The following OGFOD3 variants were observed in gnomAD, a reference collection of about 807,000 sequenced individuals.
The protein encoded by OGFOD3 is 2-oxoglutarate and iron-dependent oxygenase domain-containing protein 3.
Under a neutral mutation model 39.8 loss-of-function variants are expected in OGFOD3, and 35 were observed. That is an observed-to-expected ratio of 0.88 (90% CI 0.67 to 1.17). OGFOD3 has a LOEUF of 1.17. Among genes scored for constraint, OGFOD3 ranks in the 50% most tolerant of loss-of-function variants. The pLI, the probability that OGFOD3 is intolerant of heterozygous loss-of-function variation, is 0.00. For synonymous variants in OGFOD3, 200 were observed against 192.0 expected (o/e 1.04, Z -0.34); for missense variants, 438 against 454.5 (o/e 0.96, Z 0.33).
In OGFOD3 at chr17:82,406,633, C is replaced by T; in HGVS notation, c.424-151G>A. 1.4e-6 allele frequency: 1 copy of T among 697,538 alleles called. No homozygotes were observed. Among genetic ancestry groups the T allele is most frequent in the Non-Finnish European group, 2.5e-6 (1 of 394,200 alleles). 43.2% of individuals were successfully genotyped at this position (697,538 alleles called of 1,614,324 possible). On this transcript the variant is annotated intron_variant, in intron 4 of 8. Transcript: ENST00000313056. The surrounding 1 kb of genome is among the most constrained non-coding windows in gnomAD (Gnocchi z 5.2). ...TGTTTTTGTTTTTTGTAAAAAGGAT[C>T]TTATTCTGTTGCCCAGGCTAGGGCG... is the stretch of plus-strand genomic sequence containing the variant.
At chr17:82,400,125 C>A (rs1441721566) in intron 7 of OGFOD3, among the ~76,000 whole-genome samples, 2 of 152,208 alleles carry the variant, frequency 1.3e-5, no homozygotes, top group Non-Finnish European at 2.9e-5. Flanking sequence ...CCCAGTCCGA[C>A]CCGCCAATAT....
In OGFOD3 at chr17:82,394,327, T is replaced by A. The variant is rs200331000; in HGVS notation, c.824-1793A>T. On this transcript the variant is annotated intron_variant, in intron 8 of 8. Transcript: ENST00000313056. ...TCTTTAGTAAATGACTATTAGATTA[T>A]CACCTGCTTCCTTAAAGCAGGACTC... 7.3e-5 allele frequency: 112 copies of A among 1,532,562 alleles called. No homozygotes were observed. The East Asian group carries it at 1.4e-3, about 20-fold the overall frequency. The allele number at this position is 1,532,562 out of a possible 1,614,324, so 94.9% of individuals were successfully genotyped here. A position where few individuals can be genotyped will look rare whatever the true frequency, so the allele number is the denominator to read the frequency against.
chr17:82,405,380 T>C lies in OGFOD3; in HGVS notation c.489A>G (p.Arg163=). ...SVGKHFVNLY[R]YFGDKIQNIF... ...TGTTCTGTATTTTATCCCCGAAGTA[T>C]CTGTGAAAAAAGGAGTATTCACAAA... is the stretch of plus-strand genomic sequence containing the variant. Residue 163 remains arginine (R), a splice_region_variant and synonymous_variant, in exon 6 of 9, where the codon AGA becomes AGG. Coordinates refer to ENST00000313056, the MANE Select transcript of OGFOD3 (RefSeq NM_024648.3). 3.7e-6 allele frequency: 6 copies of C among 1,613,548 alleles called. No homozygotes were observed. Among genetic ancestry groups the C allele is most frequent in the Non-Finnish European group, 5.1e-6 (6 of 1,179,422 alleles).
intron 2 of OGFOD3, chr17:82,411,755 A>T: frequency 1.8e-6 from 1 of 544,832 alleles, no homozygotes. Flanking sequence ...TTTAATCCAG[A>T]GGCACCTGTT....
chr17:82,398,530 G>C (rs1242282127), intron 7 of OGFOD3, among the ~76,000 whole-genome samples: 1 of 152,046 alleles, frequency 6.6e-6, no homozygotes, highest in Non-Finnish European at 1.5e-5. Flanking sequence ...CTCCCGAGTA[G>C]CTGGGGCTAC....
intron 8 of OGFOD3, among the ~76,000 whole-genome samples, chr17:82,397,522 G>A (rs1192534646): frequency 1.3e-5 from 2 of 152,082 alleles, no homozygotes; most frequent in South Asian, 2.1e-4. Flanking sequence ...TGGGGTCAGG[G>A]CCGTGGGCTC....
At chr17:82,394,996 C>T (rs2052650002) in intron 8 of OGFOD3, among the ~76,000 whole-genome samples, 1 of 152,216 alleles carries the variant, frequency 6.6e-6, no homozygotes, top group Admixed American at 6.5e-5. Flanking sequence ...TCAACCTGCC[C>T]CACGGCCTCT....
rs1021895870 is a variant in OGFOD3, at chr17:82,390,477, C to T, written c.*1921G>A. The T allele has an allele frequency of 6.6e-6, 1 of 152,624 alleles. No homozygotes were observed. Among genetic ancestry groups the T allele is most frequent in the Non-Finnish European group, 1.5e-5 (1 of 68,302 alleles). The allele number at this position is 152,624 out of a possible 1,614,324, so 9.5% of individuals were successfully genotyped here. On this transcript the variant is annotated 3_prime_UTR_variant, in exon 9 of 9. Coordinates refer to ENST00000313056, the MANE Select transcript of OGFOD3 (RefSeq NM_024648.3). This position sits in a 1 kb window ranked among gnomAD's most constrained non-coding sequence, Gnocchi z 4.9. Reference sequence around the variant, plus strand: ...GGAGGTGGGCCTCATCCTCCCAGATCCATGGAGTCCTTCAGAATCGTGCCT... The same window carrying T: ...GGAGGTGGGCCTCATCCTCCCAGATTCATGGAGTCCTTCAGAATCGTGCCT...
chr17:82,394,524 C>T lies in OGFOD3; in HGVS notation c.824-1990G>A, dbSNP rs145184893. On this transcript the variant is annotated intron_variant, in intron 8 of 8. Coordinates refer to ENST00000313056, the MANE Select transcript of OGFOD3 (RefSeq NM_024648.3). ...TAACTTCTTGGAACCCACAAGACATCATCCGGAAACAAAAACATCCTGGGG... is the reference window on the plus strand; with the variant it reads ...TAACTTCTTGGAACCCACAAGACATTATCCGGAAACAAAAACATCCTGGGG... 29 of 1,611,728 alleles carry T rather than the reference C, an allele frequency of 1.8e-5. No individual in the cohort carries two copies. The African/African-American group carries it at 3.1e-4, about 17-fold the overall frequency.
intron 1 of OGFOD3, among the ~76,000 whole-genome samples, chr17:82,416,072 CAA>C (rs762503039): frequency 2.1e-5 from 3 of 140,300 alleles, no homozygotes; most frequent in Admixed American, 1.4e-4. Flanking sequence ...CTACTAAATA[CAA>C]AAAAAAAAAA....
intron 7 of OGFOD3, among the ~76,000 whole-genome samples, chr17:82,403,221 C>T (rs117335740): frequency 6.6e-6 from 1 of 152,124 alleles, no homozygotes; most frequent in East Asian, 1.9e-4. Flanking sequence ...TAACCACAGG[C>T]CGTGTGGGCC....
chr17:82,401,118 C>T (rs1285434666), intron 7 of OGFOD3: 1 of 151,108 alleles, frequency 6.6e-6, no homozygotes, highest in Non-Finnish European at 1.5e-5. Flanking sequence ...TGGGTTCCTT[C>T]ACTGTTCCTG....
chr17:82,414,103 C>T (rs2052996399), intron 2 of OGFOD3, among the ~76,000 whole-genome samples: 1 of 152,106 alleles, frequency 6.6e-6, no homozygotes, highest in Admixed American at 6.6e-5. Context: ...ACATGGACTT[C>T]CATCCTCCCT....
intron 7 of OGFOD3, among the ~76,000 whole-genome samples, chr17:82,403,636 A>G (rs373350350): frequency 1.3e-5 from 2 of 152,282 alleles, no homozygotes; most frequent in East Asian, 3.9e-4. Context: ...GTCTCAACCA[A>G]TCAATCCTAA....
At chr17:82,405,867 T>C (rs532353912) in intron 5 of OGFOD3, among the ~76,000 whole-genome samples, 1 of 152,280 alleles carries the variant, frequency 6.6e-6, no homozygotes, top group Admixed American at 6.5e-5. Flanking sequence ...GGAAAATTGC[T>C]TGAACCCAGG....
Position 82,403,762 on chromosome 17 carries a change from C to CGCTCACCCTGCCCACGTGCGT in OGFOD3, c.699+154_699+174dup, listed in dbSNP as rs2052803484. 4.8e-6 allele frequency: 4 copies of CGCTCACCCTGCCCACGTGCGT among 829,574 alleles called. No homozygotes were observed. The South Asian group carries it at 4.9e-5, about 10-fold the overall frequency. The allele number at this position is 829,574 out of a possible 1,614,324, so 51.4% of individuals were successfully genotyped here. On this transcript the variant is annotated intron_variant, in intron 7 of 8. Transcript: ENST00000313056. ...TGCGCGCTCACCCTGTCCACATGCGCGCTCACCCTGCCCACGTGCGTACTC... is the reference window on the plus strand; with the variant it reads ...TGCGCGCTCACCCTGTCCACATGCGCGCTCACCCTGCCCACGTGCGTGCTCACCCTGCCCACGTGCGTACTC...
chr17:82,408,025 C>A (rs2052882251), intron 4 of OGFOD3, among the ~76,000 whole-genome samples: 1 of 152,112 alleles, frequency 6.6e-6, no homozygotes, highest in Non-Finnish European at 1.5e-5. Flanking sequence ...TGCCTGTAGT[C>A]CCAGCTACTC....
intron 7 of OGFOD3, 140 bp downstream of exon 7, chr17:82,403,797 A>T: frequency 8.9e-7 from 1 of 1,127,918 alleles, no homozygotes; most frequent in Non-Finnish European, 1.3e-6. Context: ...CACCCTGCCC[A>T]CGTACGCACT....
At chr17:82,409,563 A>G (rs1350301239) in intron 3 of OGFOD3, among the ~76,000 whole-genome samples, 153 bp from the exon 4 acceptor site, 1 of 152,234 alleles carries the variant, frequency 6.6e-6, no homozygotes, top group Non-Finnish European at 1.5e-5. Context: ...AAAGGACTCA[A>G]CTTTCAAAGT....
Sources: gnomAD v4.1 joint callset for allele counts (sites outside exome capture counted in the v4.1 genomes callset) on GRCh38, gnomAD v4.1.1 for gene constraint, Gnocchi (gnomAD v3.1) non-coding constraint, MANE v1.5 for transcripts, NCBI Gene and HGNC (gene_info 2026-07-23, HGNC 2026-07-21) for gene names.